SLC1A7: variants seen among roughly 807,000 people sequenced by gnomAD.
SLC1A7 encodes excitatory amino acid transporter 5.
A neutral mutation model predicts 47.7 loss-of-function variants in SLC1A7; 40 were observed. That is an observed-to-expected ratio of 0.84 (90% CI 0.65 to 1.09). The LOEUF (loss-of-function observed/expected upper bound fraction) is 1.09, where lower values mean the gene tolerates loss of function less well. SLC1A7 is among the 50% of genes least tolerant of loss of function. The probability of loss-of-function intolerance (pLI) is 0.00; values close to 1 mark genes in which losing one functional copy is unlikely to be tolerated. For synonymous variants in SLC1A7, 323 were observed against 325.6 expected, an observed-to-expected ratio of 0.99 and a Z score of 0.09; for missense variants, 746 against 769.5, an observed-to-expected ratio of 0.97 and a Z score of 0.36.
intron 2 of SLC1A7, among the ~76,000 whole-genome samples, chr1:53,120,356 C>T (rs952779426): frequency 2.0e-5 from 3 of 152,102 alleles, no homozygotes; most frequent in Non-Finnish European, 4.4e-5. Flanking sequence ...AAGTTGTAGT[C>T]GCACCTCCCT....
intron 1 of SLC1A7, among the ~76,000 whole-genome samples, chr1:53,140,587 G>T (rs1439280022): frequency 6.6e-6 from 1 of 152,190 alleles, no homozygotes; most frequent in African/African-American, 2.4e-5. Flanking sequence ...ACTTTCATCA[G>T]CTATGGATGA....
rs558644744 is a variant in SLC1A7 at position 53,128,796 on chromosome 1, G to A, written c.215+5554C>T. 1.4e-5 allele frequency among the ~76,000 whole-genome samples: 2 copies of A among 142,702 alleles called. 1 individual carries two copies. Among genetic ancestry groups the A allele is most frequent in the African/African-American group, 5.2e-5 (2 of 38,600 alleles). 93.6% of individuals were successfully genotyped at this position (142,702 alleles called of 152,430 possible). ...GAAGAAGCCATCCAAGGGGCTTCCT[G>A]CTGAGAGCAGTGACAGAGGTGGCCA... On this transcript the variant is annotated intron_variant, in intron 2 of 10. Transcript: ENST00000371494.
intron 5 of SLC1A7, among the ~76,000 whole-genome samples, chr1:53,100,831 C>T (rs1445864648): frequency 6.6e-6 from 1 of 151,010 alleles, no homozygotes; most frequent in Non-Finnish European, 1.5e-5. Context: ...CTCACATCAC[C>T]TCGGTACACT....
At chr1:53,107,692 C>T (rs17107989) in intron 3 of SLC1A7, among the ~76,000 whole-genome samples, 5,808 of 152,290 alleles carry the variant, frequency 0.038, 348 homozygotes, top group African/African-American at 0.13. Flanking sequence ...AAATCTTGGC[C>T]TGGTTTCTAC....
At chr1:53,100,690 C>T (rs1644564693) in intron 5 of SLC1A7, among the ~76,000 whole-genome samples, 1 of 111,774 alleles carries the variant, frequency 8.9e-6, no homozygotes, top group Non-Finnish European at 2.0e-5. Flanking sequence ...GGTACACTCA[C>T]ATGCCTTGCC....
chr1:53,097,620 G>A (rs1046586654), intron 5 of SLC1A7, among the ~76,000 whole-genome samples: 2 of 146,338 alleles, frequency 1.4e-5, no homozygotes, highest in Non-Finnish European at 3.0e-5. Context: ...ACCTCGCCTC[G>A]GTACACTCAC....
intron 8 of SLC1A7, 184 bp from the exon 9 acceptor site, chr1:53,090,118 A>G (rs1028481698): frequency 1.6e-6 from 1 of 643,794 alleles, no homozygotes; most frequent in African/African-American, 1.8e-5. Flanking sequence ...CTGAAGCCCC[A>G]TGGACCCCCA....
chr1:53,103,177 T>TGGGGA, intron 5 of SLC1A7, 169 bp downstream of exon 5: 1 of 533,424 alleles, frequency 1.9e-6, no homozygotes, highest in Non-Finnish European at 3.2e-6. Context: ...TGGGGTGGGG[T>TGGGGA]GGGGAGGCGA....
chr1:53,130,347 G>A (rs1263733196), intron 2 of SLC1A7, among the ~76,000 whole-genome samples: 2 of 152,180 alleles, frequency 1.3e-5, no homozygotes, highest in African/African-American at 4.8e-5. Context: ...GACCAGCCTG[G>A]TTCCAGGGCT....
chr1:53,127,456 C>T (rs1298752078), intron 2 of SLC1A7, among the ~76,000 whole-genome samples: 1 of 152,196 alleles, frequency 6.6e-6, no homozygotes, highest in Non-Finnish European at 1.5e-5. Context: ...GAAAGACATC[C>T]AGCTGCTCTG....
chr1:53,093,103 C>T (rs952964756), intron 6 of SLC1A7, among the ~76,000 whole-genome samples: 16 of 152,244 alleles, frequency 1.1e-4, no homozygotes, highest in Non-Finnish European at 2.2e-4. Context: ...CACTGAGCTC[C>T]TGGACTCTGA....
At chr1:53,127,803 C>T (rs1644899326) in intron 2 of SLC1A7, among the ~76,000 whole-genome samples, 1 of 152,174 alleles carries the variant, frequency 6.6e-6, no homozygotes, top group African/African-American at 2.4e-5. Flanking sequence ...GCTGGGCCCT[C>T]AGGCAGCAGC....
At chr1:53,112,457 G>A (rs1644709989) in intron 3 of SLC1A7, among the ~76,000 whole-genome samples, 2 of 152,238 alleles carry the variant, frequency 1.3e-5, no homozygotes, top group African/African-American at 4.8e-5. Flanking sequence ...GCTGATAAAT[G>A]TTGGGTTGGT....
chr1:53,088,955 G>A lies in SLC1A7; in HGVS notation c.1386C>T (p.Asn462=), dbSNP rs59607498. Residue 462 remains asparagine, a synonymous_variant, in exon 10 of 11, where the codon AAC becomes AAT. Coordinates refer to ENST00000371494, the MANE Select transcript of SLC1A7 (RefSeq NM_006671.6). ...WALDRFRTMI[N]VLGDALAAGI... is the part of the protein sequence containing the mutation. The stretch of plus-strand genomic sequence containing the variant: ...CCGCTGCCAGCGCATCACCCAGCAC[G>A]TTAATCATGGTGCGGAAACGGTCCC... 4.0e-4 allele frequency: 638 copies of A among 1,614,064 alleles called. 4 individuals carry two copies. In the East Asian group the frequency reaches 0.012, roughly 29 times the overall value.
At position 53,103,578 on chromosome 1, in the gene SLC1A7, G is replaced by A; in HGVS notation, c.475-10C>T. 1.3e-6 allele frequency: 2 copies of A among 1,533,240 alleles called. No homozygotes were observed. The highest frequency in any genetic ancestry group is 1.8e-6 in the Non-Finnish European group (2 of 1,130,724). The allele number at this position is 1,533,240 out of a possible 1,614,324, so 95.0% of individuals were successfully genotyped here. On this transcript the variant is annotated splice_polypyrimidine_tract_variant and intron_variant, in intron 4 of 10. Coordinates refer to ENST00000371494, the MANE Select transcript of SLC1A7 (RefSeq NM_006671.6). ...TGGTCTTGGTGCGGTACTGGTGGGT[G>A]ACACCCCACCCAGAGAGAAGTCAGG...
intron 2 of SLC1A7, among the ~76,000 whole-genome samples, chr1:53,124,367 A>C (rs1243639057): frequency 6.6e-6 from 1 of 152,028 alleles, no homozygotes; most frequent in African/African-American, 2.4e-5. Context: ...ACACTCTATC[A>C]TGCACAGCCC....
intron 3 of SLC1A7, among the ~76,000 whole-genome samples, chr1:53,106,280 T>C (rs1644639491): frequency 6.6e-6 from 1 of 151,878 alleles, no homozygotes; most frequent in South Asian, 2.1e-4. Context: ...GTGGGCTCAT[T>C]ATTCTTAGTA....
chr1:53,104,588 A>G lies in SLC1A7; in HGVS notation c.475-1020T>C, dbSNP rs376536570. On this transcript the variant is annotated intron_variant, in intron 4 of 10. Coordinates refer to ENST00000371494, the MANE Select transcript of SLC1A7 (RefSeq NM_006671.6). ...CTCTTTATCTCTCACACCCTCAATG[A>G]TTCCCAATTACAATAGAAACTCCCT... Among the ~76,000 whole-genome samples, 12 of 152,322 alleles carry G rather than the reference A, an allele frequency of 7.9e-5. No individual in the cohort carries two copies. The South Asian group carries it at 8.3e-4, about 11-fold the overall frequency.
Position 53,105,913 on chromosome 1 carries a change from C to T in SLC1A7, c.432-139G>A, listed in dbSNP as rs140798030. ...CCAGCCTCCTCTGCAGTCTCACCCA[C>T]TACATCATGGACACTCCACAGCGCC... On this transcript the variant is annotated intron_variant, in intron 3 of 10. Coordinates refer to ENST00000371494, the MANE Select transcript of SLC1A7 (RefSeq NM_006671.6). The T allele has an allele frequency of 1.1e-3, 785 of 712,692 alleles. 4 individuals are homozygous for T. The African/African-American group carries it at 0.012, about 10-fold the overall frequency. The allele number at this position is 712,692 out of a possible 1,614,324, so 44.1% of individuals were successfully genotyped here.
Sources: gnomAD v4.1 joint callset for allele counts (sites outside exome capture counted in the v4.1 genomes callset) on GRCh38, gnomAD v4.1.1 for gene constraint, MANE v1.5 for transcripts, NCBI Gene and HGNC (gene_info 2026-07-23, HGNC 2026-07-21) for gene names.